Variants in PBX1 observed in about 807,000 individuals in gnomAD.
PBX1 encodes PBX homeobox 1.
A neutral mutation model predicts 53.4 loss-of-function variants in PBX1; 6 were observed. The observed-to-expected ratio is 0.11, with a 90% CI of 0.06 to 0.22. PBX1 has a LOEUF of 0.22. PBX1 is among the 10% of genes least tolerant of loss of function. The pLI, the probability that PBX1 is intolerant of heterozygous loss-of-function variation, is 1.00. For synonymous variants in PBX1, 204 were observed against 212.3 expected (o/e 0.96, Z 0.34); for missense variants, 251 against 551.4 (o/e 0.46, Z 5.46).
chr1:164,759,668 T>G (rs1473407538), intron 2 of PBX1, among the ~76,000 whole-genome samples: 2 of 152,284 alleles, frequency 1.3e-5, no homozygotes, highest in South Asian at 4.1e-4. Flanking sequence ...TTAAACCTTC[T>G]GAAGTGGTGA....
rs552077771 is a variant in PBX1 at position 164,667,271 on chromosome 1, A to G, written c.265+103960A>G. On this transcript the variant is annotated intron_variant, in intron 2 of 8. Coordinates refer to ENST00000420696, the MANE Select transcript of PBX1 (RefSeq NM_002585.4). Reference sequence around the variant, plus strand: ...TCTTTGCATGGCAATGAGCTAAGTAAAAAACAATGCAAGGACCTTTTTAGC... The same window carrying G: ...TCTTTGCATGGCAATGAGCTAAGTAGAAAACAATGCAAGGACCTTTTTAGC... Among the ~76,000 whole-genome samples, 151 of 152,286 alleles carry G rather than the reference A, an allele frequency of 9.9e-4. 1 individual carries two copies. Among genetic ancestry groups the G allele is most frequent in the South Asian group, 5.8e-3 (28 of 4,830 alleles).
chr1:164,783,458 G>C (rs1038032781), intron 2 of PBX1, among the ~76,000 whole-genome samples: 5 of 152,080 alleles, frequency 3.3e-5, no homozygotes, highest in Admixed American at 6.6e-5. Flanking sequence ...GGTTTCTTCT[G>C]TGTTGTTGAT....
At chr1:164,739,753 ATGTGTGTGTGTGTGTG>A (rs57602745) in intron 2 of PBX1, among the ~76,000 whole-genome samples, 4 of 143,034 alleles carry the variant, frequency 2.8e-5, no homozygotes, top group South Asian at 2.2e-4. Context: ...GTGGTTGTGC[ATGTGTGTGTGTGTGTG>A]TGTGTGTGTG....
intron 8 of PBX1, among the ~76,000 whole-genome samples, chr1:164,823,511 C>A (rs920289699): frequency 6.7e-6 from 1 of 149,976 alleles, no homozygotes; most frequent in Non-Finnish European, 1.5e-5. Context: ...TGAAGGAAGT[C>A]CACATGACTG....
Position 164,807,571 on chromosome 1 carries a change from C to T in PBX1, c.731C>T (p.Ala244Val). Residue 244 changes from alanine (A) to valine (V), a missense_variant, in exon 5 of 9, where the codon GCG (alanine) becomes GTG (valine). Around this residue, in one of 4 missense-constraint regions of PBX1, gnomAD observed 20 missense variants for 144.8 expected, o/e 0.14. Coordinates refer to ENST00000420696, the MANE Select transcript of PBX1 (RefSeq NM_002585.4). ...AAGAGACGGAATTTCAACAAGCAAG[C>T]GACAGAAATCCTGAATGAATATTTC... Reference protein sequence around the residue: ...RRKRRNFNKQATEILNEYFYS... With the variant: ...RRKRRNFNKQVTEILNEYFYS... The T allele has an allele frequency of 6.2e-7, 1 of 1,613,732 alleles. No homozygotes were observed. Among genetic ancestry groups the T allele is most frequent in the Non-Finnish European group, 8.5e-7 (1 of 1,179,828 alleles).
At chr1:164,820,313 C>G in intron 7 of PBX1, 129 bp downstream of exon 7, 3 of 590,566 alleles carry the variant, frequency 5.1e-6, no homozygotes, top group Non-Finnish European at 9.1e-6. Flanking sequence ...TTACCAACGA[C>G]CGAACCAAAA....
At chr1:164,877,235 G>C (rs1672534447) in intron 2 of PBX1, among the ~76,000 whole-genome samples, 1 of 148,810 alleles carries the variant, frequency 6.7e-6, no homozygotes, top group African/African-American at 2.5e-5. Context: ...TATACCTGAG[G>C]ATTATAGCCC....
intron 8 of PBX1, among the ~76,000 whole-genome samples, chr1:164,844,024 A>G (rs1426076737): frequency 2.0e-5 from 3 of 151,906 alleles, no homozygotes; most frequent in Admixed American, 1.3e-4. Flanking sequence ...TATGACATGT[A>G]CGCTCACTGC....
chr1:164,666,283 A>G (rs1660805004), intron 2 of PBX1, among the ~76,000 whole-genome samples: 1 of 152,228 alleles, frequency 6.6e-6, no homozygotes, highest in Non-Finnish European at 1.5e-5. Context: ...TGGAAAGGAA[A>G]GAGGCTCTGT....
chr1:164,798,105 G>C (rs1177071072), intron 3 of PBX1, among the ~76,000 whole-genome samples: 1 of 152,206 alleles, frequency 6.6e-6, no homozygotes, highest in Non-Finnish European at 1.5e-5. Flanking sequence ...ATTCATGGAG[G>C]CAGGGTCAAA....
At chr1:164,568,129 G>A (rs950198712) in intron 2 of PBX1, among the ~76,000 whole-genome samples, 15 of 152,058 alleles carry the variant, frequency 9.9e-5, no homozygotes, top group South Asian at 2.1e-4. Flanking sequence ...ACCCCCAAAC[G>A]AGCAAATAAA....
chr1:164,677,505 A>G (rs1661503155), intron 2 of PBX1, among the ~76,000 whole-genome samples: 1 of 152,166 alleles, frequency 6.6e-6, no homozygotes. Flanking sequence ...GGGAACTTCT[A>G]GTGTTCAGAA....
intron 2 of PBX1, among the ~76,000 whole-genome samples, chr1:164,862,925 G>A (rs931371293): frequency 2.0e-5 from 3 of 152,130 alleles, no homozygotes; most frequent in Non-Finnish European, 1.5e-5. Context: ...TGTCTCTCTG[G>A]AGTCTCTAGT....
At chr1:164,872,588 GGAGAT>G (rs1327659139) in intron 2 of PBX1, among the ~76,000 whole-genome samples, 4 of 152,202 alleles carry the variant, frequency 2.6e-5, no homozygotes, top group African/African-American at 9.7e-5. Context: ...GAGAAGCAGA[GGAGAT>G]GAGCATTATT....
In PBX1 at chr1:164,792,730, T is replaced by C; in HGVS notation, c.502T>C (p.Tyr168His). The C allele has an allele frequency of 1.2e-6, 2 of 1,602,310 alleles. No homozygotes were observed. Among genetic ancestry groups the C allele is most frequent in the Non-Finnish European group, 1.7e-6 (2 of 1,172,298 alleles). ...RQIYHTELEK[Y>H]EQACNEFTTH... ...AATCTACCATACGGAGCTGGAGAAA[T>C]ACGAGCAGGTAACCAGAACCACCTG... The change falls in exon 3 of 9, where the codon TAC becomes CAC. Residue 168 changes from tyrosine to histidine, a missense_variant. By Grantham distance (83) the Tyr-to-His change is moderately conservative. Coordinates refer to ENST00000420696, the MANE Select transcript of PBX1 (RefSeq NM_002585.4).
intron 2 of PBX1, among the ~76,000 whole-genome samples, chr1:164,772,506 G>A (rs1667425515): frequency 6.6e-6 from 1 of 152,210 alleles, no homozygotes; most frequent in South Asian, 2.1e-4. Flanking sequence ...TTTACAGATG[G>A]TGCTAACACA....
intron 5 of PBX1, among the ~76,000 whole-genome samples, chr1:164,809,927 G>A (rs1669526385): frequency 6.6e-6 from 1 of 152,170 alleles, no homozygotes; most frequent in African/African-American, 2.4e-5. Flanking sequence ...CCCTAATTCT[G>A]AATCAGAATC....
At chr1:164,767,396 A>T (rs564397399) in intron 2 of PBX1, among the ~76,000 whole-genome samples, 31 of 152,290 alleles carry the variant, frequency 2.0e-4, no homozygotes, top group African/African-American at 7.2e-4. Context: ...GAATACAAGG[A>T]ATACCTTTTT....
intron 3 of PBX1, among the ~76,000 whole-genome samples, chr1:164,795,365 G>A (rs4657376): frequency 0.49 from 73,856 of 151,948 alleles, 18,235 homozygotes; most frequent in South Asian, 0.59. Context: ...ACTTCCTTGG[G>A]CTAGATTACT....
Sources: allele counts gnomAD v4.1 joint callset (sites outside exome capture counted in the v4.1 genomes callset), GRCh38; gene constraint gnomAD v4.1.1; regional missense constraint gnomAD v4.1.1; transcripts MANE v1.5; gene names NCBI Gene and HGNC (gene_info 2026-07-23, HGNC 2026-07-21).